ZNF333: variants seen among roughly 807,000 people sequenced by gnomAD.
ZNF333 encodes zinc finger protein 333.
Under a neutral mutation model 76.1 loss-of-function variants are expected in ZNF333, and 61 were observed. The observed-to-expected ratio is 0.80, with a 90% CI of 0.65 to 0.99. The LOEUF (loss-of-function observed/expected upper bound fraction) is 0.99. Among genes scored for constraint, ZNF333 ranks in the 50% least tolerant of loss-of-function variants. The pLI, the probability that ZNF333 is intolerant of heterozygous loss-of-function variation, is 0.00. For synonymous variants in ZNF333, 284 were observed against 305.0 expected, an observed-to-expected ratio of 0.93 and a Z score of 0.72; for missense variants, 717 against 822.4, an observed-to-expected ratio of 0.87 and a Z score of 1.57.
chr19:14,703,160 G>A (rs575385818), intron 5 of ZNF333, among the ~76,000 whole-genome samples: 252 of 146,922 alleles, frequency 1.7e-3, no homozygotes, highest in African/African-American at 5.9e-3. Context: ...AGCCGAGATC[G>A]CGCCACTGCA....
In ZNF333 at chr19:14,718,307, A is replaced by G; in HGVS notation, c.980A>G (p.Gln327Arg). Residue 327 changes from glutamine to arginine, a missense_variant, in exon 12 of 12, where the codon CAG becomes CGG. Physicochemically the swap from Gln to Arg is conservative, Grantham distance 43. Transcript: ENST00000292530. Reference protein sequence around the residue: ...KPFNSIEPLFQYQRIHAGEAS... With the variant: ...KPFNSIEPLFRYQRIHAGEAS... ...TTTAACAGCATTGAACCACTTTTCC[A>G]GTACCAGAGAATTCATGCTGGAGAG... 1.2e-6 allele frequency: 2 copies of G among 1,614,228 alleles called. No homozygotes were observed. The highest frequency in any genetic ancestry group is 1.1e-5 in the South Asian group (1 of 91,084).
exon 12 of ZNF333, chr19:14,731,957 C>G (rs1277780050): frequency 6.6e-6 from 1 of 152,224 alleles, no homozygotes; most frequent in African/African-American, 2.4e-5. Context: ...CTGTGTTTCA[C>G]TTCTGCCATG....
Position 14,693,440 on chromosome 19 carries a change from C to T in ZNF333, c.-41-11C>T, listed in dbSNP as rs2146945843. 6.3e-7 allele frequency: 1 copy of T among 1,584,252 alleles called. No homozygotes were observed. The highest frequency in any genetic ancestry group is 1.7e-5 in the Admixed American group (1 of 58,490). On this transcript the variant is annotated splice_polypyrimidine_tract_variant and intron_variant, in intron 1 of 11. Transcript: ENST00000292530. Reference sequence around the variant, plus strand: ...ACCCCTTCTTTTACCTCAGTGTCTCCTTTATTGCAGGGAGAACACCGACTG... The same window carrying T: ...ACCCCTTCTTTTACCTCAGTGTCTCTTTTATTGCAGGGAGAACACCGACTG...
At chr19:14,702,518 T>C (rs2041986154) in intron 5 of ZNF333, among the ~76,000 whole-genome samples, 1 of 151,894 alleles carries the variant, frequency 6.6e-6, no homozygotes, top group Admixed American at 6.6e-5. Flanking sequence ...CAGGATTCTG[T>C]CTCAAAAAAA....
At chr19:14,705,015 C>T (rs960592696) in intron 5 of ZNF333, 39 bp from the exon 6 acceptor site, 15 of 1,592,658 alleles carry the variant, frequency 9.4e-6, no homozygotes, top group Middle Eastern at 1.7e-4. Context: ...GCTGTGGTGC[C>T]AACTCTGTCC....
At chr19:14,716,083 G>T (rs2042421576) in intron 8 of ZNF333, 29 bp from the exon 9 acceptor site, 1 of 1,613,246 alleles carries the variant, frequency 6.2e-7, no homozygotes, top group Non-Finnish European at 8.5e-7. Context: ...GGTGGTCCCT[G>T]GCTGAGCCGG....
chr19:14,705,056 G>T lies in ZNF333; in HGVS notation c.309G>T (p.Gly103=). The T allele has an allele frequency of 1.2e-6, 2 of 1,613,740 alleles. No homozygotes were observed. The highest frequency in any genetic ancestry group is 2.2e-5 in the South Asian group (2 of 91,058). Residue 103 remains glycine, a splice_region_variant and synonymous_variant, in exon 6 of 12, where the codon GGG becomes GGT. Transcript: ENST00000292530. ...AGCACCCTCTTGTCTTTTGCCAGGG[G>T]CCGGGGCTGTTCCTGAGGATGCAGC... ...EEASSRDMQM[G]PGLFLRMQLV... is the part of the protein sequence containing the mutation.
At chr19:14,702,426 G>A (rs1282513506) in intron 5 of ZNF333, among the ~76,000 whole-genome samples, 1 of 152,194 alleles carries the variant, frequency 6.6e-6, no homozygotes, top group African/African-American at 2.4e-5. Flanking sequence ...AGGCTAAGGC[G>A]AGAAAATTGC....
chr19:14,718,849 T>C lies in ZNF333; in HGVS notation c.1522T>C (p.Cys508Arg), dbSNP rs761517680. ...RTHTREKPYE[C>R]NQCGKPFRTS... ...CCATACCAGAGAGAAACCATATGAA[T>C]GCAACCAGTGTGGCAAGCCCTTCCG... is the stretch of plus-strand genomic sequence containing the variant. Residue 508 changes from cysteine to arginine, a missense_variant, in exon 12 of 12, where the codon TGC becomes CGC. Coordinates refer to ENST00000292530, the MANE Select transcript of ZNF333 (RefSeq NM_032433.4). 1 of 1,614,088 alleles carries C rather than the reference T, an allele frequency of 6.2e-7. No homozygotes were observed.
intron 7 of ZNF333, among the ~76,000 whole-genome samples, chr19:14,714,320 A>G (rs1235727848): frequency 6.6e-6 from 1 of 152,132 alleles, no homozygotes; most frequent in African/African-American, 2.4e-5. Flanking sequence ...CTGTGTCCTT[A>G]TGAGAAGAGG....
intron 5 of ZNF333, among the ~76,000 whole-genome samples, chr19:14,703,613 G>A (rs569920054): frequency 1.6e-4 from 24 of 152,350 alleles, no homozygotes; most frequent in African/African-American, 4.6e-4. Context: ...ACACAGGGAA[G>A]CACCAAGGTC....
chr19:14,720,323 G>C lies in ZNF333; in HGVS notation c.*998G>C. ...CTCTGGGGAAGATATTGTGTTCAGG[G>C]ATGGTTTCATGTAGCCACATCTCTC... On this transcript the variant is annotated 3_prime_UTR_variant, in exon 12 of 12. Coordinates refer to ENST00000292530, the MANE Select transcript of ZNF333 (RefSeq NM_032433.4). 1 of 985,430 alleles carries C rather than the reference G, an allele frequency of 1.0e-6. No homozygotes were observed. The highest frequency in any genetic ancestry group is 1.2e-6 in the Non-Finnish European group (1 of 829,934). 61.0% of individuals were successfully genotyped at this position (985,430 alleles called of 1,614,324 possible). A position where few individuals can be genotyped will look rare whatever the true frequency, so the allele number is the denominator to read the frequency against.
chr19:14,689,986 G>A (rs115826925), upstream of ZNF333: 7,632 of 152,354 alleles, frequency 0.05, 194 homozygotes, highest in Middle Eastern at 0.095. Context: ...GCCGCCTAAG[G>A]CTACCCTGGC....
intron 1 of ZNF333, among the ~76,000 whole-genome samples, chr19:14,691,696 A>G (rs1239325169): frequency 2.6e-5 from 1 of 38,348 alleles, no homozygotes; most frequent in Non-Finnish European, 4.1e-5. Flanking sequence ...TTTTTTTTTG[A>G]GACAGAGTCT....
intron 6 of ZNF333, chr19:14,706,155 G>C (rs948702865): frequency 2.4e-5 from 11 of 457,602 alleles, no homozygotes; most frequent in Admixed American, 1.4e-4. Flanking sequence ...CTGGACTCCA[G>C]TTCTGCTCCT....
rs775197368 is a variant in ZNF333 at position 14,717,031 on chromosome 19, G to T, written c.765G>T (p.Leu255Phe). ...QLCKPNALSY[L>F]EERGEQWTTD... The stretch of plus-strand genomic sequence containing the variant: ...GCAAACCCAATGCGTTGTCTTATTT[G>T]GAAGAAAGAGGAGAGCAGTGGACCA... Residue 255 changes from leucine (L) to phenylalanine (F), a missense_variant, in exon 10 of 12, where the codon TTG (leucine) becomes TTT (phenylalanine). Physicochemically the swap from Leu to Phe is conservative, Grantham distance 22 (BLOSUM62 0). Transcript: ENST00000292530. The T allele has an allele frequency of 1.3e-5, 21 of 1,611,928 alleles. No individual in the cohort carries two copies. The African/African-American group carries it at 2.0e-4, about 15-fold the overall frequency.
chr19:14,701,853 CTGAGGAGT>C, intron 5 of ZNF333: 2 of 985,520 alleles, frequency 2.0e-6, no homozygotes, highest in Non-Finnish European at 2.4e-6. Context: ...TTTAGAGAAG[CTGAGGAGT>C]TCATCCCTGA....
rs1040362118 is a variant in ZNF333 at position 14,700,789 on chromosome 19, G to A, written c.306+1508G>A. Among the ~76,000 whole-genome samples the A allele has an allele frequency of 7.9e-5, 12 of 152,308 alleles. No homozygotes were observed. In the South Asian group the frequency reaches 2.1e-3, roughly 26 times the overall value. ...TAGTCCCAGGGTCAGTGAGAACCCCGGGATCCCTCAGTCAGTGCCCCTTCC... is the reference window on the plus strand; with the variant it reads ...TAGTCCCAGGGTCAGTGAGAACCCCAGGATCCCTCAGTCAGTGCCCCTTCC... On this transcript the variant is annotated intron_variant, in intron 5 of 11. Coordinates refer to ENST00000292530, the MANE Select transcript of ZNF333 (RefSeq NM_032433.4).
At chr19:14,708,120 G>A in intron 7 of ZNF333, 1 of 391,440 alleles carries the variant, frequency 2.6e-6, no homozygotes, top group Middle Eastern at 6.2e-4. Context: ...CGATTTTCCT[G>A]CCTCAGCCTC....
Sources: gnomAD v4.1 joint callset for allele counts (sites outside exome capture counted in the v4.1 genomes callset) on GRCh38, gnomAD v4.1.1 for gene constraint, MANE v1.5 for transcripts, NCBI Gene and HGNC (gene_info 2026-07-23, HGNC 2026-07-21) for gene names.